PARVA: variants seen among roughly 807,000 people sequenced by gnomAD.
PARVA encodes the protein parvin alpha.
Under a neutral mutation model 52.6 loss-of-function variants are expected in PARVA, and 25 were observed. The ratio of observed to expected loss-of-function variants is 0.48; its 90% CI spans 0.35 to 0.66. The LOEUF (loss-of-function observed/expected upper bound fraction) is 0.66. Among genes scored for constraint, PARVA ranks in the 30% least tolerant of loss-of-function variants. The probability of loss-of-function intolerance (pLI) is 0.01; values close to 1 mark genes in which losing one functional copy is unlikely to be tolerated. For missense variants in PARVA, 373 were observed against 450.9 expected, an observed-to-expected ratio of 0.83 and a Z score of 1.56; for synonymous variants, 185 against 179.1, an observed-to-expected ratio of 1.03 and a Z score of -0.26.
chr11:12,469,643 G>C lies in PARVA; in HGVS notation c.137-4102G>C, dbSNP rs141160968. Among the ~76,000 whole-genome samples, 1,465 of 152,278 alleles carry C rather than the reference G, an allele frequency of 9.6e-3. 58 individuals are homozygous for C. The highest frequency in any genetic ancestry group is 0.057 in the East Asian group (293 of 5,184). On this transcript the variant is annotated intron_variant, in intron 1 of 12. Transcript: ENST00000334956. Reference sequence around the variant, plus strand: ...TGGGGCAAGGGCCAGGCCTGCACTGGGCAGTTTGCATATTCACTTTTACAA... The same window carrying C: ...TGGGGCAAGGGCCAGGCCTGCACTGCGCAGTTTGCATATTCACTTTTACAA...
intron 1 of PARVA, among the ~76,000 whole-genome samples, chr11:12,409,608 A>C (rs1939964698): frequency 6.6e-6 from 1 of 152,170 alleles, no homozygotes; most frequent in Non-Finnish European, 1.5e-5. Flanking sequence ...ACTGGCTTTT[A>C]AGATGGAGTA....
rs1424726747 is a variant in PARVA, at chr11:12,531,816, T to A, written c.*3891T>A. Among the ~76,000 whole-genome samples, 1 of 152,052 alleles carries A rather than the reference T, an allele frequency of 6.6e-6. No individual in the cohort carries two copies. Among genetic ancestry groups the A allele is most frequent in the East Asian group, 1.9e-4 (1 of 5,192 alleles). Reference sequence around the variant, plus strand: ...CTGCAGCTGCTGAAAACAAGAGAGCTGCATTAAGCTGCAAGGCCGGGTAGG... The same window carrying A: ...CTGCAGCTGCTGAAAACAAGAGAGCAGCATTAAGCTGCAAGGCCGGGTAGG... On this transcript the variant is annotated 3_prime_UTR_variant, in exon 13 of 13. Transcript: ENST00000334956.
intron 12 of PARVA, among the ~76,000 whole-genome samples, chr11:12,524,537 G>T (rs1564871208): frequency 6.6e-6 from 1 of 151,988 alleles, no homozygotes; most frequent in Admixed American, 6.6e-5. Flanking sequence ...CCTCCTTTGC[G>T]ACCCGTGCTC....
chr11:12,467,334 A>C (rs1387290059), intron 1 of PARVA, among the ~76,000 whole-genome samples: 1 of 152,170 alleles, frequency 6.6e-6, no homozygotes. Flanking sequence ...AAACAAAGAC[A>C]ATTTCTTCCT....
chr11:12,496,534 T>G lies in PARVA; in HGVS notation c.477T>G (p.Thr159=), dbSNP rs111282823. The change falls in exon 5 of 13, where the codon ACT becomes ACG. Residue 159 remains threonine, a synonymous_variant. Transcript: ENST00000334956. ...TTGCTCAGAAGCAAAAACTGCAGAC[T>G]GTCCTGGAGAAGATCAATGAAACCC... ...SEIAQKQKLQ[T]VLEKINETLK... The G allele has an allele frequency of 3.0e-5, 48 of 1,611,224 alleles. No individual in the cohort carries two copies. In the African/African-American group the frequency reaches 3.2e-4, roughly 11 times the overall value.
intron 1 of PARVA, among the ~76,000 whole-genome samples, chr11:12,429,470 G>A (rs573903988): frequency 6.6e-6 from 1 of 152,244 alleles, no homozygotes; most frequent in Non-Finnish European, 1.5e-5. Flanking sequence ...TGATATAAAG[G>A]ATGTATAGCA....
chr11:12,430,041 A>G (rs995063151), intron 1 of PARVA, among the ~76,000 whole-genome samples: 5 of 152,322 alleles, frequency 3.3e-5, no homozygotes, highest in African/African-American at 4.8e-5. Context: ...TGCATCATTG[A>G]CATTCCTTCA....
intron 1 of PARVA, among the ~76,000 whole-genome samples, chr11:12,384,296 T>G (rs992159402): frequency 2.6e-5 from 4 of 152,210 alleles, no homozygotes; most frequent in Non-Finnish European, 4.4e-5. Flanking sequence ...TCTACCTGCT[T>G]GTCTTTTCTT....
intron 1 of PARVA, among the ~76,000 whole-genome samples, chr11:12,425,061 C>T (rs1351133830): frequency 6.6e-6 from 1 of 152,116 alleles, no homozygotes; most frequent in Non-Finnish European, 1.5e-5. Flanking sequence ...AGATCAAGAT[C>T]TTATTTATAT....
chr11:12,470,847 G>T (rs570001703), intron 1 of PARVA, among the ~76,000 whole-genome samples: 2 of 152,146 alleles, frequency 1.3e-5, no homozygotes, highest in Admixed American at 6.5e-5. Flanking sequence ...GAACATTCTC[G>T]CTGCACTGTG....
intron 1 of PARVA, among the ~76,000 whole-genome samples, chr11:12,387,554 CGTGT>C (rs10642760): frequency 8.7e-5 from 13 of 149,226 alleles, no homozygotes; most frequent in East Asian, 2.0e-4. Flanking sequence ...TATTTTTGAG[CGTGT>C]GTGTGTGTGT....
At chr11:12,517,170 T>C (rs1240676530) in intron 10 of PARVA, among the ~76,000 whole-genome samples, 5 of 152,006 alleles carry the variant, frequency 3.3e-5, no homozygotes, top group African/African-American at 1.2e-4. Flanking sequence ...CTCTGATGCC[T>C]TCAGTGCTTG....
At chr11:12,526,331 T>C (rs1941701014) in intron 12 of PARVA, among the ~76,000 whole-genome samples, 1 of 152,200 alleles carries the variant, frequency 6.6e-6, no homozygotes. Context: ...AGAGCATTGC[T>C]AGAATCCTGA....
chr11:12,501,578 C>A (rs1297191519), intron 5 of PARVA, among the ~76,000 whole-genome samples: 2 of 152,160 alleles, frequency 1.3e-5, no homozygotes, highest in Non-Finnish European at 2.9e-5. Context: ...TAACTATCAA[C>A]TTTTAGAACA....
At chr11:12,445,241 C>G (rs1401550932) in intron 1 of PARVA, among the ~76,000 whole-genome samples, 1 of 152,140 alleles carries the variant, frequency 6.6e-6, no homozygotes, top group Admixed American at 6.5e-5. Flanking sequence ...TAAGTATACT[C>G]TATCCTGGGG....
intron 1 of PARVA, among the ~76,000 whole-genome samples, chr11:12,399,335 T>G (rs891000766): frequency 1.2e-4 from 18 of 152,228 alleles, no homozygotes; most frequent in African/African-American, 4.3e-4. Context: ...GGGGCAGTTC[T>G]TTTTTATTTC....
At chr11:12,403,204 C>G (rs1332830875) in intron 1 of PARVA, among the ~76,000 whole-genome samples, 1 of 152,248 alleles carries the variant, frequency 6.6e-6, no homozygotes. Context: ...ATTTAACCCA[C>G]TCCTGTCCCC....
chr11:12,416,593 G>T (rs1187523736), intron 1 of PARVA, among the ~76,000 whole-genome samples: 1 of 152,146 alleles, frequency 6.6e-6, no homozygotes, highest in African/African-American at 2.4e-5. Flanking sequence ...CCTGATGAAG[G>T]GTCCCTGCTG....
intron 7 of PARVA, among the ~76,000 whole-genome samples, chr11:12,509,173 A>G (rs1423383660): frequency 6.6e-6 from 1 of 151,816 alleles, no homozygotes; most frequent in Non-Finnish European, 1.5e-5. Context: ...TCAAGCAGAA[A>G]AAAAATTCAT....
Sources: gnomAD v4.1 joint callset for allele counts (sites outside exome capture counted in the v4.1 genomes callset) on GRCh38, gnomAD v4.1.1 for gene constraint, MANE v1.5 for transcripts, NCBI Gene and HGNC (gene_info 2026-07-23, HGNC 2026-07-21) for gene names.